Variants in VSIG4 observed in about 807,000 individuals in gnomAD.
VSIG4 encodes the protein V-set and immunoglobulin domain containing 4.
Under a neutral mutation model 23.4 loss-of-function variants are expected in VSIG4, and 34 were observed. The observed-to-expected ratio is 1.45, with a 90% CI of 1.10 to 1.93. The LOEUF is 1.93. Ranked by LOEUF, VSIG4 falls within the 30% of genes most tolerant of loss-of-function variation. VSIG4 has a pLI of 0.00. For missense variants in VSIG4, 433 were observed against 310.8 expected (o/e 1.39, Z -2.96); for synonymous variants, 169 against 120.3 (o/e 1.41, Z -2.65).
intron 5 of VSIG4, among the ~76,000 whole-genome samples, chrX:66,026,456 C>T (rs1374965263): frequency 8.9e-6 from 1 of 111,852 alleles, no homozygotes; most frequent in Non-Finnish European, 1.9e-5. Flanking sequence ...CTCATTTTTC[C>T]AAACCAACTC....
Position 66,022,006 on chromosome X carries a change from C to T in VSIG4, c.*257G>A, listed in dbSNP as rs770896005. 106 of 1,101,941 alleles carry T rather than the reference C, an allele frequency of 9.6e-5. 1 individual carries two copies. The highest frequency in any genetic ancestry group is 2.8e-4 in the Middle Eastern group (1 of 3,618). 90.8% of individuals were successfully genotyped at this position (1,101,941 alleles called of 1,213,427 possible). A position where few individuals can be genotyped will look rare whatever the true frequency, so the allele number is the denominator to read the frequency against. ...AAGTCCTAGTGCTATGGGCATCTTC[C>T]CTCTGGTATTTAGAGAGGAGTACCA... On this transcript the variant is annotated 3_prime_UTR_variant, in exon 8 of 8. Transcript: ENST00000374737.
intron 3 of VSIG4, among the ~76,000 whole-genome samples, chrX:66,029,722 G>T (rs1177389787): frequency 9.0e-6 from 1 of 111,232 alleles, no homozygotes; most frequent in South Asian, 3.8e-4. Context: ...ATTATTTGAC[G>T]ATGCGAGGTA....
chrX:66,030,998 G>A (rs769829492), intron 3 of VSIG4, among the ~76,000 whole-genome samples: 69 of 110,896 alleles, frequency 6.2e-4, no homozygotes, highest in Non-Finnish European at 9.6e-4. Context: ...GGACAAGGTT[G>A]GGTGGACAGG....
Position 66,033,462 on chromosome X carries a change from A to G in VSIG4, c.412+12T>C, listed in dbSNP as rs766190557. 3.4e-6 allele frequency: 4 copies of G among 1,181,100 alleles called. No individual in the cohort carries two copies. Among genetic ancestry groups the G allele is most frequent in the Non-Finnish European group, 4.6e-6 (4 of 873,479 alleles). On this transcript the variant is annotated intron_variant, in intron 2 of 7. Coordinates refer to ENST00000374737, the MANE Select transcript of VSIG4 (RefSeq NM_007268.3). ...TGATTATCAGTGCTTTCCTACCCCCATAGTGACTCACGTTTCTGGACACGG... is the reference window on the plus strand; with the variant it reads ...TGATTATCAGTGCTTTCCTACCCCCGTAGTGACTCACGTTTCTGGACACGG...
At chrX:66,026,730 G>A (rs112881287) in intron 5 of VSIG4, among the ~76,000 whole-genome samples, 2,444 of 111,627 alleles carry the variant, frequency 0.022, 71 homozygotes, top group African/African-American at 0.075. Context: ...ATTCCAACCA[G>A]TCACAACAGA....
chrX:66,036,918 ATAT>A (rs1450127167), intron 1 of VSIG4, among the ~76,000 whole-genome samples: 1 of 26,717 alleles, frequency 3.7e-5, no homozygotes, highest in Non-Finnish European at 4.9e-5. Context: ...ATTATATGAT[ATAT>A]TATATTATAT....
chrX:66,026,990 T>C (rs2085399444), intron 5 of VSIG4, among the ~76,000 whole-genome samples: 1 of 111,494 alleles, frequency 9.0e-6, no homozygotes, highest in Admixed American at 9.5e-5. Flanking sequence ...AAGATTTATT[T>C]GGGATTTGAA....
chrX:66,037,553 T>C (rs1167691038), intron 1 of VSIG4, among the ~76,000 whole-genome samples: 1 of 66,259 alleles, frequency 1.5e-5, no homozygotes, highest in Non-Finnish European at 2.5e-5. Flanking sequence ...TTATATTATA[T>C]TATATATTTA....
chrX:66,022,527 A>C (rs1384408410), intron 7 of VSIG4, 27 bp from the exon 8 acceptor site: 1 of 1,205,755 alleles, frequency 8.3e-7, no homozygotes, highest in Non-Finnish European at 1.1e-6. Flanking sequence ...CACCACCCAT[A>C]AGAAGGGACT....
chrX:66,022,698 G>C, intron 7 of VSIG4, 143 bp downstream of exon 7: 1 of 1,146,176 alleles, frequency 8.7e-7, no homozygotes. Context: ...CTGAGAGAGG[G>C]AAGGCAGCTA....
chrX:66,032,885 G>T, intron 2 of VSIG4, 136 bp from the exon 3 acceptor site: 1 of 678,727 alleles, frequency 1.5e-6, no homozygotes. Context: ...GACTTTGGAG[G>T]AAATAAGAAG....
At chrX:66,026,630 G>A (rs1010937336) in intron 5 of VSIG4, among the ~76,000 whole-genome samples, 1 of 112,058 alleles carries the variant, frequency 8.9e-6, no homozygotes, top group Non-Finnish European at 1.9e-5. Flanking sequence ...ATCAGGAATG[G>A]AGAGTTACAA....
At chrX:66,022,982 G>A (rs2085350591) in intron 6 of VSIG4, 120 bp from the exon 7 acceptor site, 2 of 772,761 alleles carry the variant, frequency 2.6e-6, no homozygotes, top group African/African-American at 2.1e-5. Context: ...ATTTTAATAT[G>A]TCTTAGCTTT....
chrX:66,039,859 G>T, intron 1 of VSIG4, 85 bp downstream of exon 1: 1 of 1,106,673 alleles, frequency 9.0e-7, no homozygotes, highest in Non-Finnish European at 1.2e-6. Flanking sequence ...GTAGGAATAG[G>T]CTTTCCATAG....
chrX:66,025,493 G>T (rs2085379955), intron 5 of VSIG4, among the ~76,000 whole-genome samples: 1 of 112,037 alleles, frequency 8.9e-6, no homozygotes, highest in Non-Finnish European at 1.9e-5. Flanking sequence ...TAAGATTCTG[G>T]TCAGTTACTT....
At position 66,039,926 on chromosome X, in the gene VSIG4, C is replaced by G. The variant is rs780563578; in HGVS notation, c.55+18G>C. 2 of 1,209,682 alleles carry G rather than the reference C, an allele frequency of 1.7e-6. No individual in the cohort carries two copies. On this transcript the variant is annotated intron_variant, in intron 1 of 7. Coordinates refer to ENST00000374737, the MANE Select transcript of VSIG4 (RefSeq NM_007268.3). ...GCCTAAGCCAGCAATGGCAGCCAGG[C>G]CCCCCTTTCTGCCTTACCATAAGTG...
At chrX:66,027,596 G>T in intron 4 of VSIG4, 70 bp from the exon 5 acceptor site, 2 of 920,855 alleles carry the variant, frequency 2.2e-6, no homozygotes, top group Non-Finnish European at 3.1e-6. Flanking sequence ...GGAGATGGTT[G>T]CAAAGGTTGG....
chrX:66,036,856 TATA>T lies in VSIG4; in HGVS notation c.56-3029_56-3027del, dbSNP rs1378765681. On this transcript the variant is annotated intron_variant, in intron 1 of 7. Coordinates refer to ENST00000374737, the MANE Select transcript of VSIG4 (RefSeq NM_007268.3). ...AATATGTTATATAATATATTATATA[TATA>T]ATAATATATTATATTATATATTATA... is the stretch of plus-strand genomic sequence containing the variant. Among the ~76,000 whole-genome samples the T allele has an allele frequency of 1.5e-3, 56 of 37,512 alleles. 1 individual carries two copies. The highest frequency in any genetic ancestry group is 2.1e-3 in the Non-Finnish European group (52 of 24,694). The allele number at this position is 37,512 out of a possible 115,157, so 32.6% of individuals were successfully genotyped here.
At chrX:66,024,159 C>A (rs2085363418) in intron 6 of VSIG4, among the ~76,000 whole-genome samples, 1 of 112,256 alleles carries the variant, frequency 8.9e-6, no homozygotes, top group South Asian at 3.7e-4. Context: ...ATGACTAGTG[C>A]ACTGGGCATT....
Sources: gnomAD v4.1 joint callset for allele counts (sites outside exome capture counted in the v4.1 genomes callset) on GRCh38, gnomAD v4.1.1 for gene constraint, MANE v1.5 for transcripts, NCBI Gene and HGNC (gene_info 2026-07-23, HGNC 2026-07-21) for gene names.